SEM1: variants seen among roughly 807,000 people sequenced by gnomAD.
SEM1 encodes SEM1 26S proteasome subunit.
Under a neutral mutation model 12.7 loss-of-function variants are expected in SEM1, and 3 were observed. The observed-to-expected ratio is 0.24, with a 90% CI of 0.11 to 0.61. SEM1 has a LOEUF of 0.61. SEM1 is among the 20% of genes least tolerant of loss of function. The pLI is 0.88. For missense variants in SEM1, 59 were observed against 81.3 expected, an observed-to-expected ratio of 0.73 and a Z score of 1.06; for synonymous variants, 30 against 27.8, an observed-to-expected ratio of 1.08 and a Z score of -0.25.
At chr7:96,543,625 A>G (rs1291810139) in intron 2 of SEM1, among the ~76,000 whole-genome samples, 1 of 151,998 alleles carries the variant, frequency 6.6e-6, no homozygotes, top group Non-Finnish European at 1.5e-5. Context: ...TTCTAAATAT[A>G]GTAGTTTATG....
chr7:96,688,672 G>T, downstream of SEM1: 16 of 273,584 alleles, frequency 5.8e-5, no homozygotes, highest in East Asian at 1.3e-4. Context: ...TTCATAATAT[G>T]AAATTTTACT....
At chr7:96,692,359 A>AT (rs1256646529) in intron 2 of SEM1, among the ~76,000 whole-genome samples, 1 of 152,178 alleles carries the variant, frequency 6.6e-6, no homozygotes, top group East Asian at 1.9e-4. Flanking sequence ...TTTAGCCTCA[A>AT]TTTCAAAATG....
At chr7:96,642,140 C>T (rs1808633282) in intron 2 of SEM1, among the ~76,000 whole-genome samples, 1 of 151,998 alleles carries the variant, frequency 6.6e-6, no homozygotes, top group Non-Finnish European at 1.5e-5. Flanking sequence ...TAGTGGCTAC[C>T]ATATGGTACA....
chr7:96,524,625 T>A (rs1324973669), intron 2 of SEM1, among the ~76,000 whole-genome samples: 1 of 151,924 alleles, frequency 6.6e-6, no homozygotes, highest in Non-Finnish European at 1.5e-5. Context: ...ATTAATAACA[T>A]TACTTTTATT....
chr7:96,586,092 G>A (rs1051761060), intron 2 of SEM1, among the ~76,000 whole-genome samples: 3 of 152,102 alleles, frequency 2.0e-5, no homozygotes, highest in Non-Finnish European at 4.4e-5. Context: ...TCTCGCCTTG[G>A]CCTCCCAAAG....
intron 2 of SEM1, among the ~76,000 whole-genome samples, chr7:96,517,923 A>G (rs896428723): frequency 6.6e-6 from 1 of 152,156 alleles, no homozygotes; most frequent in African/African-American, 2.4e-5. Context: ...GCACAGGTAT[A>G]TATGTAGATG....
intron 2 of SEM1, among the ~76,000 whole-genome samples, chr7:96,625,895 T>A (rs1808045624): frequency 6.6e-6 from 1 of 152,208 alleles, no homozygotes. Flanking sequence ...TATGGGTACA[T>A]AATATGTGTA....
intron 2 of SEM1, among the ~76,000 whole-genome samples, chr7:96,558,441 A>G (rs1424919606): frequency 6.6e-6 from 1 of 152,198 alleles, no homozygotes; most frequent in African/African-American, 2.4e-5. Context: ...TCAACCTGGG[A>G]TGAGTTTAAT....
intron 2 of SEM1, among the ~76,000 whole-genome samples, chr7:96,655,879 G>A (rs1033843304): frequency 6.6e-6 from 1 of 152,138 alleles, no homozygotes; most frequent in African/African-American, 2.4e-5. Flanking sequence ...ATAAAACAAA[G>A]GACTAGAGAT....
downstream of SEM1, among the ~76,000 whole-genome samples, chr7:96,669,624 A>G (rs1417944342): frequency 6.6e-6 from 1 of 152,212 alleles, no homozygotes; most frequent in Non-Finnish European, 1.5e-5. Flanking sequence ...AAAGCATGAC[A>G]GAAAAGCAAT....
At chr7:96,525,652 A>G (rs1036871549) in intron 2 of SEM1, among the ~76,000 whole-genome samples, 2 of 152,084 alleles carry the variant, frequency 1.3e-5, no homozygotes, top group Non-Finnish European at 2.9e-5. Context: ...AAGTGATCCT[A>G]TAAAGCAGGG....
At chr7:96,519,680 G>A (rs576873534) in intron 2 of SEM1, among the ~76,000 whole-genome samples, 6 of 152,054 alleles carry the variant, frequency 3.9e-5, no homozygotes, top group Non-Finnish European at 8.8e-5. Flanking sequence ...CTGAGATTTT[G>A]AAAGTTTCCT....
chr7:96,642,313 G>A (rs537364669), intron 2 of SEM1, among the ~76,000 whole-genome samples: 1 of 152,142 alleles, frequency 6.6e-6, no homozygotes, highest in African/African-American at 2.4e-5. Context: ...AGAGTTTATA[G>A]AATTTTAAAT....
chr7:96,519,745 G>A (rs2115619380), intron 2 of SEM1, among the ~76,000 whole-genome samples: 2 of 152,238 alleles, frequency 1.3e-5, no homozygotes, highest in Middle Eastern at 6.8e-3. Flanking sequence ...AGATCTCAAA[G>A]CCTTCCTATG....
intron 1 of SEM1, among the ~76,000 whole-genome samples, chr7:96,701,185 C>T (rs1300814115): frequency 3.3e-5 from 5 of 152,058 alleles, no homozygotes; most frequent in Non-Finnish European, 7.4e-5. Context: ...CAACTTTGTG[C>T]CAGACTCTGT....
chr7:96,503,030 C>A (rs1040310863), intron 3 of SEM1, among the ~76,000 whole-genome samples: 2 of 152,164 alleles, frequency 1.3e-5, no homozygotes, highest in African/African-American at 4.8e-5. Flanking sequence ...TCTTCTAACA[C>A]CCAAGCATTG....
intron 2 of SEM1, among the ~76,000 whole-genome samples, chr7:96,534,355 G>A (rs12530663): frequency 0.62 from 93,569 of 151,894 alleles, 29,411 homozygotes; most frequent in East Asian, 0.69. Context: ...AGTAATGAAT[G>A]TGATCTGTTG....
At chr7:96,523,800 C>G (rs1804360214) in intron 2 of SEM1, among the ~76,000 whole-genome samples, 1 of 152,166 alleles carries the variant, frequency 6.6e-6, no homozygotes, top group Admixed American at 6.6e-5. Flanking sequence ...GTAGTCAAAA[C>G]TTAGCCTCCA....
chr7:96,515,721 T>C (rs1804073479), intron 2 of SEM1, among the ~76,000 whole-genome samples: 1 of 152,152 alleles, frequency 6.6e-6, no homozygotes, highest in African/African-American at 2.4e-5. Context: ...TTCCTGCCCT[T>C]TGCAGGGACA....
Sources: gnomAD v4.1 joint callset for allele counts (sites outside exome capture counted in the v4.1 genomes callset) on GRCh38, gnomAD v4.1.1 for gene constraint, MANE v1.5 for transcripts, NCBI Gene and HGNC (gene_info 2026-07-23, HGNC 2026-07-21) for gene names.